The following ZNF718 variants were observed in gnomAD, a reference collection of about 807,000 sequenced individuals.
ZNF718 encodes zinc finger protein 718.
A neutral mutation model predicts 2.6 loss-of-function variants in ZNF718; 3 were observed. The observed-to-expected ratio is 1.16, with a 90% CI of 0.53 to 3.01. The LOEUF is 3.01. ZNF718 is among the 30% of genes most tolerant of loss of function. The pLI is 0.03. For missense variants in ZNF718, 468 were observed against 230.0 expected (o/e 2.03, Z -6.69); for synonymous variants, 135 against 77.9 (o/e 1.73, Z -3.86).
At chr4:152,169 C>T (rs1311686842) in intron 3 of ZNF718, among the ~76,000 whole-genome samples, 1 of 147,412 alleles carries the variant, frequency 6.8e-6, no homozygotes, top group Non-Finnish European at 1.5e-5. Flanking sequence ...AGCATACAAT[C>T]GGGTTTTATA....
intron 1 of ZNF718, chr4:124,887 G>A: frequency 1.8e-6 from 1 of 555,398 alleles, no homozygotes. Flanking sequence ...CGGTAGCCCT[G>A]CACTTTCCCC....
At chr4:181,294 T>G (rs1198247866) in intron 3 of ZNF718, among the ~76,000 whole-genome samples, 1 of 149,648 alleles carries the variant, frequency 6.7e-6, no homozygotes, top group African/African-American at 2.4e-5. Flanking sequence ...GCATAAGCCA[T>G]TGATCCTGGC....
At position 162,210 on chromosome 4, in the gene ZNF718, A is replaced by G; in HGVS notation, c.*88A>G. On this transcript the variant is annotated 3_prime_UTR_variant, in exon 4 of 4. Coordinates refer to ENST00000510175, the MANE Select transcript of ZNF718 (RefSeq NM_001039127.6). The stretch of plus-strand genomic sequence containing the variant: ...GGAGAGAAACTCTACACATGAAAAA[A>G]TTGACAAAGCTTTTAACCGCAACTC... 1 of 586,912 alleles carries G rather than the reference A, an allele frequency of 1.7e-6. No homozygotes were observed. Among genetic ancestry groups the G allele is most frequent in the African/African-American group, 1.9e-5 (1 of 54,002 alleles). 36.4% of individuals were successfully genotyped at this position (586,912 alleles called of 1,614,324 possible).
intron 3 of ZNF718, among the ~76,000 whole-genome samples, chr4:135,756 A>ATATATATATATATAT (rs1581426330): frequency 1.5e-4 from 21 of 143,608 alleles, no homozygotes; most frequent in South Asian, 2.2e-4. Flanking sequence ...ATGATTATAT[A>ATATATATATATATAT]ATCTACAGAC....
At chr4:193,029 A>G (rs1717722805) in intron 3 of ZNF718, among the ~76,000 whole-genome samples, 2 of 152,166 alleles carry the variant, frequency 1.3e-5, no homozygotes, top group African/African-American at 4.8e-5. Context: ...GCTGCAGGCA[A>G]AAGTATTTTC....
At chr4:135,335 T>G (rs986412083) in intron 3 of ZNF718, among the ~76,000 whole-genome samples, 4 of 152,006 alleles carry the variant, frequency 2.6e-5, no homozygotes, top group African/African-American at 7.2e-5. Context: ...CCAAGGTGGT[T>G]TGGGCACAGC....
In ZNF718 at chr4:132,271, A is replaced by G. The variant is rs1715369108; in HGVS notation, c.226+766A>G. 1.9e-5 allele frequency among the ~76,000 whole-genome samples: 2 copies of G among 103,478 alleles called. 1 individual carries two copies. Among genetic ancestry groups the G allele is most frequent in the Admixed American group, 2.1e-4 (2 of 9,676 alleles). 67.9% of individuals were successfully genotyped at this position (103,478 alleles called of 152,430 possible). ...TGGGAAGCTCTGTGACAAAGAAAAT[A>G]ATTTCTGAAAAGGCTGCATTTTTTC... is the stretch of plus-strand genomic sequence containing the variant. On this transcript the variant is annotated intron_variant, in intron 3 of 3. Transcript: ENST00000510175.
At position 130,634 on chromosome 4, in the gene ZNF718, C is replaced by T. The variant is rs1321814694; in HGVS notation, c.4-154C>T. Among the ~76,000 whole-genome samples, 2 of 100,838 alleles carry T rather than the reference C, an allele frequency of 2.0e-5. 1 individual carries two copies. The highest frequency in any genetic ancestry group is 4.4e-5 in the Non-Finnish European group (2 of 45,664). The allele number at this position is 100,838 out of a possible 152,430, so 66.2% of individuals were successfully genotyped here. On this transcript the variant is annotated intron_variant, in intron 1 of 3. Transcript: ENST00000510175. ...GCGGGTGCCTGTAATCCCAGCTATT[C>T]GGGAGGCTGAGGCAGGAGAATCACT...
At chr4:176,063 A>G (rs1717340253) in intron 3 of ZNF718, among the ~76,000 whole-genome samples, 1 of 151,916 alleles carries the variant, frequency 6.6e-6, no homozygotes, top group South Asian at 2.1e-4. Context: ...TATGCAGCCT[A>G]ATGCTCTATG....
At chr4:131,567 C>T (rs1168396344) in intron 3 of ZNF718, 62 bp downstream of exon 3, 2 of 310,844 alleles carry the variant, frequency 6.4e-6, no homozygotes, top group Non-Finnish European at 1.1e-5. Flanking sequence ...AGAAGGAAGC[C>T]AGGCCTTCAA....
intron 3 of ZNF718, among the ~76,000 whole-genome samples, chr4:169,786 C>G (rs1581472077): frequency 6.6e-6 from 1 of 152,210 alleles, no homozygotes; most frequent in South Asian, 2.1e-4. Flanking sequence ...ATTGATGGGT[C>G]TTGACTCTTT....
exon 5 of ZNF718, chr4:202,274 T>A (rs1717917421): frequency 2.0e-5 from 3 of 152,256 alleles, no homozygotes; most frequent in Admixed American, 2.0e-4. Flanking sequence ...ATGTGGAATG[T>A]GAGTCCATTA....
At chr4:141,912 A>G (rs12504142) in intron 3 of ZNF718, 26,624 of 398,090 alleles carry the variant, frequency 0.067, 1,011 homozygotes, top group East Asian at 0.12. Flanking sequence ...GTTATTTTCA[A>G]TGCATGTTTT....
At chr4:173,070 TAAATA>T (rs1717273065) in intron 3 of ZNF718, among the ~76,000 whole-genome samples, 1 of 151,864 alleles carries the variant, frequency 6.6e-6, no homozygotes, top group African/African-American at 2.4e-5. Context: ...TAAAAATAAA[TAAATA>T]TGATACACAA....
rs1173231731 is a variant in ZNF718, at chr4:124,573, T to A, written c.-98T>A. The A allele has an allele frequency of 6.5e-7, 1 of 1,548,704 alleles. No homozygotes were observed. Among genetic ancestry groups the A allele is most frequent in the Non-Finnish European group, 8.8e-7 (1 of 1,134,766 alleles). On this transcript the variant is annotated 5_prime_UTR_variant, in exon 1 of 4. Transcript: ENST00000510175. ...TCTGCTCCCGCTCCTTAGGGAAGCCTCGGTGATTCTGCCACAGCCTCAGCC... is the reference window on the plus strand; with the variant it reads ...TCTGCTCCCGCTCCTTAGGGAAGCCACGGTGATTCTGCCACAGCCTCAGCC...
At chr4:141,947 C>CAAGGAGGCTGAGATTATT in intron 3 of ZNF718, 3 of 496,892 alleles carry the variant, frequency 6.0e-6, no homozygotes, top group Non-Finnish European at 1.2e-5. Context: ...CTTTACTATG[C>CAAGGAGGCTGAGATTATT]AAGGAGGCTG....
intron 3 of ZNF718, among the ~76,000 whole-genome samples, chr4:170,901 C>A (rs975106458): frequency 6.6e-6 from 1 of 152,124 alleles, no homozygotes; most frequent in Non-Finnish European, 1.5e-5. Flanking sequence ...GAGCTGCGTT[C>A]CTTTGGAGGG....
At chr4:152,550 C>G (rs1716374625) in intron 3 of ZNF718, among the ~76,000 whole-genome samples, 1 of 151,116 alleles carries the variant, frequency 6.6e-6, no homozygotes, top group Admixed American at 6.6e-5. Flanking sequence ...GTTGACACAG[C>G]ACATGTTTCA....
At chr4:178,381 C>A (rs1484352642) in intron 3 of ZNF718, among the ~76,000 whole-genome samples, 3 of 152,086 alleles carry the variant, frequency 2.0e-5, no homozygotes, top group Non-Finnish European at 2.9e-5. Context: ...TCAGATAATT[C>A]TCTCACCTCA....
Sources: allele counts gnomAD v4.1 joint callset (sites outside exome capture counted in the v4.1 genomes callset), GRCh38; gene constraint gnomAD v4.1.1; transcripts MANE v1.5; gene names NCBI Gene and HGNC (gene_info 2026-07-23, HGNC 2026-07-21).